PEMT: variants seen among roughly 807,000 people sequenced by gnomAD.
The protein encoded by PEMT is phospholipid methyltransferase.
In PEMT, 23 loss-of-function variants were observed where a neutral mutation model predicts 27.4. The observed-to-expected ratio is 0.84, with a 90% CI of 0.60 to 1.19. The LOEUF is 1.19. PEMT is among the 50% of genes most tolerant of loss of function. PEMT has a pLI of 0.00. For missense variants in PEMT, 307 were observed against 310.1 expected (o/e 0.99, Z 0.07); for synonymous variants, 137 against 139.1 (o/e 0.98, Z 0.11).
rs1567754309 is a variant in PEMT, at chr17:17,582,141, C to A, written c.97-5114G>T. ...AGGGCGGTCTCCCATCCACTCCCAG[C>A]CCCAACCTCCTTCATACAACAGAGG... On this transcript the variant is annotated intron_variant, in intron 1 of 6. Transcript: ENST00000255389. The surrounding 1 kb of genome is among the most constrained non-coding windows in gnomAD (Gnocchi z 4.9). 8.8e-6 allele frequency: 4 copies of A among 454,222 alleles called. No homozygotes were observed. Among genetic ancestry groups the A allele is most frequent in the Non-Finnish European group, 1.2e-5 (4 of 344,448 alleles). The allele number at this position is 454,222 out of a possible 1,614,324, so 28.1% of individuals were successfully genotyped here.
chr17:17,543,396 T>C (rs1909026547), intron 2 of PEMT, among the ~76,000 whole-genome samples: 2 of 152,162 alleles, frequency 1.3e-5, no homozygotes, highest in Non-Finnish European at 2.9e-5. Flanking sequence ...TCCAAGCATG[T>C]GGCCCCAGAC....
intron 1 of PEMT, among the ~76,000 whole-genome samples, chr17:17,585,624 T>C (rs950471494): frequency 1.4e-4 from 21 of 152,218 alleles, no homozygotes; most frequent in Non-Finnish European, 3.1e-4. Context: ...CAATTGACCA[T>C]TTAAATTTAG....
chr17:17,575,445 C>T (rs1241963466), intron 2 of PEMT, among the ~76,000 whole-genome samples: 1 of 152,238 alleles, frequency 6.6e-6, no homozygotes, highest in Non-Finnish European at 1.5e-5. Flanking sequence ...AGCCTCCAAA[C>T]ACCCTCCTCA....
At chr17:17,542,094 C>T (rs1219908191) in intron 2 of PEMT, among the ~76,000 whole-genome samples, 3 of 152,220 alleles carry the variant, frequency 2.0e-5, no homozygotes, top group African/African-American at 7.2e-5. Flanking sequence ...AATTCTCCTG[C>T]CTCAGCCTCC....
intron 2 of PEMT, among the ~76,000 whole-genome samples, chr17:17,560,642 C>T (rs1910410288): frequency 1.3e-5 from 2 of 152,180 alleles, no homozygotes; most frequent in African/African-American, 4.8e-5. Context: ...CACATCTGTG[C>T]AGACATCATC....
rs1417846470 is a variant in PEMT, at chr17:17,535,963, C to CAA, written c.205-13569_205-13568insTT. The stretch of plus-strand genomic sequence containing the variant: ...GGTGAGCAGGGGATGCCCCTGCCCT[C>CAA]CCTTGGGTTCTGTGAGGGCCTTGGT... On this transcript the variant is annotated intron_variant, in intron 2 of 6. Transcript: ENST00000255389. 1.1e-4 allele frequency among the ~76,000 whole-genome samples: 17 copies of CAA among 152,346 alleles called. No homozygotes were observed. The East Asian group carries it at 2.5e-3, about 22-fold the overall frequency.
At chr17:17,552,782 C>T (rs565030036) in intron 2 of PEMT, among the ~76,000 whole-genome samples, 4 of 152,370 alleles carry the variant, frequency 2.6e-5, no homozygotes, top group Non-Finnish European at 5.9e-5. Context: ...CACTGGATCC[C>T]GCACCTGACT....
At chr17:17,522,468 CCT>C in intron 2 of PEMT, 73 bp from the exon 3 acceptor site, 2 of 920,900 alleles carry the variant, frequency 2.2e-6, no homozygotes, top group South Asian at 2.8e-5. Flanking sequence ...GGAGCACATG[CCT>C]CTCTCTGCTT....
intron 2 of PEMT, among the ~76,000 whole-genome samples, chr17:17,542,154 T>C (rs1908933287): frequency 6.6e-6 from 1 of 152,186 alleles, no homozygotes; most frequent in Non-Finnish European, 1.5e-5. Flanking sequence ...CTAATTTTTG[T>C]ATTTTTAGTA....
Position 17,507,077 on chromosome 17 carries a change from C to T in PEMT, c.579-776G>A, listed in dbSNP as rs1905925629. 4 of 1,235,152 alleles carry T rather than the reference C, an allele frequency of 3.2e-6. No homozygotes were observed. In the East Asian group the frequency reaches 7.6e-5, roughly 24 times the overall value. The allele number at this position is 1,235,152 out of a possible 1,614,324, so 76.5% of individuals were successfully genotyped here. A position where few individuals can be genotyped will look rare whatever the true frequency, so the allele number is the denominator to read the frequency against. ...ACACCAGTAAGCAGCGGCAGCTCGT[C>T]AGTGACGGCACCAAGGAGCCCGGGC... On this transcript the variant is annotated intron_variant, in intron 5 of 6. Coordinates refer to ENST00000255389, the MANE Select transcript of PEMT (RefSeq NM_148172.3).
In PEMT at chr17:17,574,480, C is replaced by T. The variant is rs973160928; in HGVS notation, c.204+2440G>A. 4.6e-5 allele frequency among the ~76,000 whole-genome samples: 7 copies of T among 152,178 alleles called. 1 individual carries two copies. The highest frequency in any genetic ancestry group is 3.9e-4 in the East Asian group (2 of 5,176). On this transcript the variant is annotated intron_variant, in intron 2 of 6. Coordinates refer to ENST00000255389, the MANE Select transcript of PEMT (RefSeq NM_148172.3). ...GACTACAGGCGTACACCATCACATC[C>T]GGCTAAATTTTTGTATTTTTAGTAG...
chr17:17,581,342 C>A (rs1230492823), intron 1 of PEMT, among the ~76,000 whole-genome samples: 2 of 152,152 alleles, frequency 1.3e-5, no homozygotes, highest in African/African-American at 4.8e-5. Flanking sequence ...CTCAGCCACC[C>A]TAAAAGTAAA....
At chr17:17,558,464 T>C (rs2142680217) in intron 2 of PEMT, among the ~76,000 whole-genome samples, 1 of 151,048 alleles carries the variant, frequency 6.6e-6, no homozygotes, top group South Asian at 2.1e-4. Context: ...GCTGAGATCG[T>C]GCCATTGTAC....
intron 2 of PEMT, among the ~76,000 whole-genome samples, chr17:17,565,505 CA>C (rs1910770245): frequency 6.6e-6 from 1 of 152,244 alleles, no homozygotes; most frequent in Non-Finnish European, 1.5e-5. Context: ...TATCTGAGCC[CA>C]CCTAAGTCTC....
At chr17:17,549,539 C>CA (rs1266521507) in intron 2 of PEMT, among the ~76,000 whole-genome samples, 2 of 152,216 alleles carry the variant, frequency 1.3e-5, no homozygotes, top group African/African-American at 4.8e-5. Context: ...CTCCTGTGCC[C>CA]AAGCAATCCA....
intron 2 of PEMT, among the ~76,000 whole-genome samples, chr17:17,543,420 G>A (rs918728875): frequency 2.6e-5 from 4 of 152,212 alleles, no homozygotes; most frequent in African/African-American, 4.8e-5. Context: ...GAGCTCCTGC[G>A]GCACTGGGAA....
chr17:17,545,507 C>T (rs1909196514), intron 2 of PEMT, among the ~76,000 whole-genome samples: 3 of 152,250 alleles, frequency 2.0e-5, no homozygotes, highest in Admixed American at 2.0e-4. Flanking sequence ...TATGGGCCCA[C>T]TGGAGAAGCC....
rs148874726 is a variant in PEMT, at chr17:17,512,594, G to A, written c.381C>T (p.Tyr127=). The change falls in exon 4 of 7, where the codon TAC becomes TAT. Residue 127 remains tyrosine, a synonymous_variant. Coordinates refer to ENST00000255389, the MANE Select transcript of PEMT (RefSeq NM_148172.3). The surrounding 1 kb of genome is among the most constrained non-coding windows in gnomAD (Gnocchi z 6.3). ...GTCCCAGGAGCGCGAGGCCCAGGCT[G>A]TAGGCCGCGGGGGTGTCCAGGCTCT... is the stretch of plus-strand genomic sequence containing the variant. ...RMESLDTPAA[Y]SLGLALLGLG... is the part of the protein sequence containing the mutation. 4.3e-5 allele frequency: 69 copies of A among 1,605,328 alleles called. No homozygotes were observed. The highest frequency in any genetic ancestry group is 5.7e-5 in the Non-Finnish European group (67 of 1,175,800).
chr17:17,536,918 A>C (rs1481199515), intron 2 of PEMT, among the ~76,000 whole-genome samples: 1 of 152,192 alleles, frequency 6.6e-6, no homozygotes, highest in African/African-American at 2.4e-5. Context: ...AGAGGCTCAC[A>C]GCCCGAAACC....
Sources: allele counts gnomAD v4.1 joint callset (sites outside exome capture counted in the v4.1 genomes callset), GRCh38; gene constraint gnomAD v4.1.1; non-coding constraint Gnocchi (gnomAD v3.1); transcripts MANE v1.5; gene names NCBI Gene and HGNC (gene_info 2026-07-23, HGNC 2026-07-21).